CCDC91: variants seen among roughly 807,000 people sequenced by gnomAD.
CCDC91 encodes coiled-coil domain-containing protein 91.
A neutral mutation model predicts 63.2 loss-of-function variants in CCDC91; 48 were observed. The ratio of observed to expected loss-of-function variants is 0.76; its 90% CI spans 0.60 to 0.97. CCDC91 has a LOEUF of 0.97. Ranked by LOEUF, CCDC91 falls within the 50% of genes least tolerant of loss-of-function variation. The pLI is 0.00. For missense variants in CCDC91, 500 were observed against 494.6 expected (o/e 1.01, Z -0.10); for synonymous variants, 167 against 165.8 (o/e 1.01, Z -0.06).
chr12:28,407,055 C>G (rs1238301081), intron 8 of CCDC91, among the ~76,000 whole-genome samples: 1 of 152,068 alleles, frequency 6.6e-6, no homozygotes, highest in Non-Finnish European at 1.5e-5. Context: ...ACAGTAAGTT[C>G]TCCCAAGAAG....
intron 11 of CCDC91, among the ~76,000 whole-genome samples, chr12:28,465,792 C>T (rs936550370): frequency 6.6e-6 from 1 of 151,988 alleles, no homozygotes; most frequent in African/African-American, 2.4e-5. Flanking sequence ...ATCAAGATAA[C>T]CCAGGAAAAC....
At chr12:28,496,292 C>G (rs1307129304) in intron 12 of CCDC91, among the ~76,000 whole-genome samples, 11 of 151,638 alleles carry the variant, frequency 7.3e-5, no homozygotes, top group Admixed American at 7.3e-4. Flanking sequence ...ATTTCCATCC[C>G]CCAAATTTGG....
At chr12:28,337,162 G>A (rs1264110607) in intron 6 of CCDC91, among the ~76,000 whole-genome samples, 1 of 151,996 alleles carries the variant, frequency 6.6e-6, no homozygotes, top group Non-Finnish European at 1.5e-5. Flanking sequence ...TCAATTTATT[G>A]CATACTTTTG....
At chr12:28,248,258 A>G (rs945375749) in intron 1 of CCDC91, among the ~76,000 whole-genome samples, 22 of 152,132 alleles carry the variant, frequency 1.4e-4, no homozygotes, top group African/African-American at 4.6e-4. Context: ...GTTGAATTCA[A>G]TCTTGAGTTT....
intron 6 of CCDC91, among the ~76,000 whole-genome samples, chr12:28,333,351 C>T (rs1217571550): frequency 1.4e-5 from 2 of 148,116 alleles, no homozygotes; most frequent in Admixed American, 6.8e-5. Flanking sequence ...GCCGAGATTG[C>T]GCCATTGCAC....
At chr12:28,479,947 T>C (rs1263732931) in intron 11 of CCDC91, among the ~76,000 whole-genome samples, 4 of 152,010 alleles carry the variant, frequency 2.6e-5, no homozygotes, top group African/African-American at 7.2e-5. Context: ...GTAAAGACTA[T>C]ATAAATGGCA....
chr12:28,466,402 C>T (rs1003966340), intron 11 of CCDC91, among the ~76,000 whole-genome samples: 4 of 152,068 alleles, frequency 2.6e-5, no homozygotes, highest in African/African-American at 9.7e-5. Context: ...AAGACTACAC[C>T]TCAAGGCATT....
intron 3 of CCDC91, chr12:28,268,675 G>T: frequency 3.0e-6 from 3 of 985,090 alleles, no homozygotes; most frequent in Non-Finnish European, 3.6e-6. Flanking sequence ...CAAGCCCCGT[G>T]TCTGAATCTT....
chr12:28,324,596 T>C (rs1592310697), intron 6 of CCDC91, among the ~76,000 whole-genome samples: 2 of 151,910 alleles, frequency 1.3e-5, no homozygotes, highest in African/African-American at 4.8e-5. Flanking sequence ...GGCTTAAAAC[T>C]CTTCAGTGGT....
At chr12:28,503,149 C>T (rs1450205389) in intron 12 of CCDC91, among the ~76,000 whole-genome samples, 1 of 152,020 alleles carries the variant, frequency 6.6e-6, no homozygotes. Context: ...AACAGGCAAC[C>T]TATAAAATGG....
intron 3 of CCDC91, among the ~76,000 whole-genome samples, chr12:28,295,314 A>C (rs1343036773): frequency 6.6e-6 from 1 of 152,084 alleles, no homozygotes; most frequent in Non-Finnish European, 1.5e-5. Context: ...TCAAGACTTT[A>C]TCTTTTTTTT....
chr12:28,528,922 A>G (rs11049696), intron 12 of CCDC91, among the ~76,000 whole-genome samples: 31,256 of 152,084 alleles, frequency 0.21, 4,214 homozygotes, highest in Non-Finnish European at 0.3. Context: ...TAAAAGAATG[A>G]TATTTATCTA....
intron 11 of CCDC91, among the ~76,000 whole-genome samples, chr12:28,477,338 T>C (rs1227073818): frequency 6.6e-6 from 1 of 152,106 alleles, no homozygotes; most frequent in Non-Finnish European, 1.5e-5. Context: ...ATAAACGTAA[T>C]CCAGCATATA....
At position 28,433,076 on chromosome 12, in the gene CCDC91, G is replaced by A. The variant is rs184131619; in HGVS notation, c.763-17085G>A. ...TTTTTAAGTCAGGCCTTTTTTTGTT[G>A]TTGAGTTTTAAGAGTTTTCTGCATG... On this transcript the variant is annotated intron_variant, in intron 8 of 12. Transcript: ENST00000536442. 3.7e-3 allele frequency among the ~76,000 whole-genome samples: 563 copies of A among 151,662 alleles called. 7 individuals are homozygous for A. The highest frequency in any genetic ancestry group is 0.013 in the African/African-American group (545 of 41,400).
chr12:28,388,780 G>A (rs1319072472), intron 7 of CCDC91, among the ~76,000 whole-genome samples: 1 of 152,090 alleles, frequency 6.6e-6, no homozygotes, highest in Non-Finnish European at 1.5e-5. Flanking sequence ...TCAACAAATG[G>A]TGCTGGGATA....
intron 8 of CCDC91, among the ~76,000 whole-genome samples, chr12:28,442,298 GT>G (rs1400667448): frequency 6.6e-6 from 1 of 152,038 alleles, no homozygotes; most frequent in African/African-American, 2.4e-5. Context: ...ATGAAAATTC[GT>G]GACATATTTT....
intron 8 of CCDC91, among the ~76,000 whole-genome samples, chr12:28,412,063 T>C (rs1210702954): frequency 6.6e-6 from 1 of 152,206 alleles, no homozygotes; most frequent in Non-Finnish European, 1.5e-5. Context: ...TGTATTACAG[T>C]TGCCCAGTGT....
chr12:28,426,799 G>A (rs1388322200), intron 8 of CCDC91, among the ~76,000 whole-genome samples: 2 of 151,880 alleles, frequency 1.3e-5, no homozygotes, highest in Admixed American at 1.3e-4. Context: ...TGTCATATCC[G>A]AAACTAGTTC....
intron 7 of CCDC91, among the ~76,000 whole-genome samples, chr12:28,362,887 T>A (rs563508585): frequency 3.3e-5 from 5 of 152,312 alleles, no homozygotes; most frequent in South Asian, 2.1e-4. Flanking sequence ...ACCTTTTTGC[T>A]TTTCTTTTCT....
Sources: gnomAD v4.1 joint callset for allele counts (sites outside exome capture counted in the v4.1 genomes callset) on GRCh38, gnomAD v4.1.1 for gene constraint, MANE v1.5 for transcripts, NCBI Gene and HGNC (gene_info 2026-07-23, HGNC 2026-07-21) for gene names.